Variants in DAB1 observed in about 807,000 individuals in gnomAD.
DAB1 encodes the protein DAB adaptor protein 1.
DAB1 carries 15 observed loss-of-function variants against 64.6 expected under a neutral mutation model. The observed-to-expected ratio is 0.23, with a 90% CI of 0.16 to 0.36. DAB1 has a LOEUF of 0.36. Ranked by LOEUF, DAB1 falls within the 10% of genes least tolerant of loss-of-function variation. The probability of loss-of-function intolerance (pLI) is 1.00; values close to 1 mark genes in which losing one functional copy is unlikely to be tolerated. For missense variants in DAB1, 596 were observed against 706.7 expected, an observed-to-expected ratio of 0.84 and a Z score of 1.78; for synonymous variants, 235 against 251.9, an observed-to-expected ratio of 0.93 and a Z score of 0.64.
At chr1:57,271,053 C>G (rs1217586968) in intron 2 of DAB1, among the ~76,000 whole-genome samples, 1 of 152,174 alleles carries the variant, frequency 6.6e-6, no homozygotes, top group Non-Finnish European at 1.5e-5. Flanking sequence ...TGCAAAAATG[C>G]CTCTGTAAGC....
intron 1 of DAB1, among the ~76,000 whole-genome samples, chr1:57,297,039 T>C (rs1170252239): frequency 6.6e-6 from 1 of 152,226 alleles, no homozygotes; most frequent in Non-Finnish European, 1.5e-5. Flanking sequence ...GGATAGCATG[T>C]GATACCCTGA....
At chr1:57,592,833 C>T (rs1246008591) in intron 7 of DAB1, among the ~76,000 whole-genome samples, 1 of 152,076 alleles carries the variant, frequency 6.6e-6, no homozygotes, top group Non-Finnish European at 1.5e-5. Flanking sequence ...TAGGTGGCCA[C>T]CTTCTCGCTG....
rs116448694 is a variant in DAB1, at chr1:57,511,726, A to G, written n.625+137866T>C. ...CTAGCACATAGTGGAAGCTCCTTAA[A>G]TATTGCTGAATGAACAAATGACACA... On this transcript the variant is annotated intron_variant and non_coding_transcript_variant, in intron 7 of 20. Coordinates refer to the DAB1 transcript ENST00000485760. 3.4e-3 allele frequency among the ~76,000 whole-genome samples: 522 copies of G among 152,258 alleles called. 4 individuals carry two copies. Among genetic ancestry groups the G allele is most frequent in the African/African-American group, 0.012 (499 of 41,544 alleles).
At chr1:57,527,122 C>T (rs1216440101) in intron 7 of DAB1, among the ~76,000 whole-genome samples, 1 of 152,124 alleles carries the variant, frequency 6.6e-6, no homozygotes, top group Non-Finnish European at 1.5e-5. Flanking sequence ...TAACATAAGC[C>T]TCCTTAGTCT....
chr1:57,948,045 TG>T (rs1645209708), intron 5 of DAB1, among the ~76,000 whole-genome samples: 2 of 152,276 alleles, frequency 1.3e-5, no homozygotes, highest in African/African-American at 4.8e-5. Flanking sequence ...CCCCTTGACC[TG>T]GGGTCCCTCT....
chr1:57,685,609 T>A (rs1401241240), intron 6 of DAB1, among the ~76,000 whole-genome samples: 1 of 152,128 alleles, frequency 6.6e-6, no homozygotes, highest in Non-Finnish European at 1.5e-5. Flanking sequence ...GAATATACAT[T>A]CTTCTCATCT....
chr1:57,247,362 T>C (rs1250316308), intron 2 of DAB1, among the ~76,000 whole-genome samples: 1 of 152,186 alleles, frequency 6.6e-6, no homozygotes, highest in East Asian at 1.9e-4. Flanking sequence ...CCTCCTGCTC[T>C]GCCATGGTAA....
At chr1:58,216,189 C>A (rs1014189274) in intron 4 of DAB1, among the ~76,000 whole-genome samples, 6 of 152,012 alleles carry the variant, frequency 3.9e-5, no homozygotes, top group African/African-American at 1.2e-4. Context: ...TAGCCCCCAC[C>A]CCCCAACAGG....
intron 6 of DAB1, among the ~76,000 whole-genome samples, chr1:57,657,101 G>GCATC (rs1223142549): frequency 6.6e-6 from 1 of 152,166 alleles, no homozygotes; most frequent in Non-Finnish European, 1.5e-5. Context: ...CTGAGGCCTG[G>GCATC]TCCTGTCTGA....
chr1:57,246,520 G>A (rs1275568860), intron 2 of DAB1, among the ~76,000 whole-genome samples: 2 of 152,224 alleles, frequency 1.3e-5, no homozygotes, highest in African/African-American at 2.4e-5. Flanking sequence ...CAGGGACGGA[G>A]ATCTCATGAA....
chr1:57,968,326 T>G (rs996798901), intron 5 of DAB1, among the ~76,000 whole-genome samples: 2 of 152,114 alleles, frequency 1.3e-5, no homozygotes, highest in African/African-American at 4.8e-5. Flanking sequence ...TAATTAGCTG[T>G]GAACCGCAGG....
intron 7 of DAB1, among the ~76,000 whole-genome samples, chr1:57,586,057 G>A (rs897300614): frequency 6.6e-6 from 1 of 152,066 alleles, no homozygotes; most frequent in African/African-American, 2.4e-5. Flanking sequence ...ACATCAGGAG[G>A]GTTGATCCAA....
intron 6 of DAB1, among the ~76,000 whole-genome samples, chr1:57,653,012 C>T (rs1472474569): frequency 6.6e-6 from 1 of 152,226 alleles, no homozygotes; most frequent in Admixed American, 6.5e-5. Context: ...TTTATTCCCT[C>T]TTAAGTCACA....
intron 4 of DAB1, among the ~76,000 whole-genome samples, chr1:57,115,763 A>G (rs1212467066): frequency 6.6e-6 from 1 of 152,134 alleles, no homozygotes; most frequent in East Asian, 1.9e-4. Flanking sequence ...TTAAAGGTGA[A>G]AACACTCCAA....
At chr1:58,000,804 C>A (rs1283497520) in intron 5 of DAB1, among the ~76,000 whole-genome samples, 1 of 151,830 alleles carries the variant, frequency 6.6e-6, no homozygotes, top group Non-Finnish European at 1.5e-5. Context: ...CTCCTGACCT[C>A]AAGTGATCAG....
chr1:58,074,564 G>GTGTGTGTATATATATA (rs1332531604), intron 5 of DAB1: 10 of 91,638 alleles, frequency 1.1e-4, no homozygotes, highest in South Asian at 3.5e-4. Flanking sequence ...ATATATGTGT[G>GTGTGTGTATATATATA]TATATATATA....
chr1:57,071,723 C>A (rs1570637303), intron 5 of DAB1, 82 bp from the exon 6 acceptor site: 2 of 1,328,608 alleles, frequency 1.5e-6, no homozygotes, highest in East Asian at 4.9e-5. Flanking sequence ...CGGCGACAAC[C>A]CGCAGCCCTT....
chr1:57,309,513 A>G (rs539383367), intron 1 of DAB1, among the ~76,000 whole-genome samples: 7 of 152,300 alleles, frequency 4.6e-5, no homozygotes, highest in African/African-American at 1.4e-4. Flanking sequence ...CTTTGTACAT[A>G]ACATAATTTA....
chr1:57,842,357 CTT>C (rs1653092158), intron 1 of DAB1, among the ~76,000 whole-genome samples: 3 of 152,262 alleles, frequency 2.0e-5, no homozygotes, highest in Admixed American at 2.0e-4. Context: ...ATCTTCCTCT[CTT>C]TGAGCCCTCC....
Sources: allele counts gnomAD v4.1 joint callset (sites outside exome capture counted in the v4.1 genomes callset), GRCh38; gene constraint gnomAD v4.1.1; transcripts MANE v1.5; gene names NCBI Gene and HGNC (gene_info 2026-07-23, HGNC 2026-07-21).